Variants in CACNA1C observed in about 807,000 individuals in gnomAD.
CACNA1C encodes the protein voltage-dependent L-type calcium channel subunit alpha-1C.
Under a neutral mutation model 229.0 loss-of-function variants are expected in CACNA1C, and 30 were observed. That is an observed-to-expected ratio of 0.13 (90% CI 0.10 to 0.18). The LOEUF is 0.18. CACNA1C is among the 10% of genes least tolerant of loss of function. The probability of loss-of-function intolerance (pLI) is 1.00; values close to 1 mark genes in which losing one functional copy is unlikely to be tolerated. For synonymous variants in CACNA1C, 1,114 were observed against 1,132.5 expected, an observed-to-expected ratio of 0.98 and a Z score of 0.33; for missense variants, 1,658 against 2,845.0, an observed-to-expected ratio of 0.58 and a Z score of 9.49.
At chr12:1,992,169 A>G (rs1436431298) in intron 1 of CACNA1C, 1 of 184,900 alleles carries the variant, frequency 5.4e-6, no homozygotes, top group Non-Finnish European at 1.2e-5. Context: ...ATTTTTCTAT[A>G]TTGCAAAACT....
intron 3 of CACNA1C, among the ~76,000 whole-genome samples, chr12:2,146,438 A>G (rs935500062): frequency 1.3e-5 from 2 of 151,280 alleles, no homozygotes. Flanking sequence ...GTATGTGGCA[A>G]GGGACTCACA....
chr12:2,586,528 T>C (rs2062528904), intron 18 of CACNA1C, among the ~76,000 whole-genome samples: 1 of 152,246 alleles, frequency 6.6e-6, no homozygotes, highest in African/African-American at 2.4e-5. Flanking sequence ...CCATACCCTG[T>C]GCAAGGCCTG....
At chr12:2,194,110 C>T (rs953597532) in intron 3 of CACNA1C, among the ~76,000 whole-genome samples, 2 of 151,544 alleles carry the variant, frequency 1.3e-5, no homozygotes, top group African/African-American at 4.8e-5. Context: ...CCCCGTCCTC[C>T]TCCTCCTGCT....
intron 3 of CACNA1C, among the ~76,000 whole-genome samples, chr12:2,405,309 C>T (rs1267302343): frequency 6.6e-6 from 1 of 152,166 alleles, no homozygotes; most frequent in African/African-American, 2.4e-5. Context: ...ATGTATAGTT[C>T]TGTGTTGTTT....
At chr12:2,166,199 C>T (rs148924518) in intron 3 of CACNA1C, among the ~76,000 whole-genome samples, 9 of 152,344 alleles carry the variant, frequency 5.9e-5, no homozygotes, top group Non-Finnish European at 8.8e-5. Flanking sequence ...TGATGGGCTT[C>T]TGTGCCATGT....
In CACNA1C at chr12:2,412,066, G is replaced by GC. The variant is rs898994907; in HGVS notation, c.478-36902dup. ...CAAGACCCCGGCTCCCCACGCCCAAGCCCCCCCCATGCCCACCTGCCACTC... is the reference window on the plus strand; with the variant it reads ...CAAGACCCCGGCTCCCCACGCCCAAGCCCCCCCCCATGCCCACCTGCCACTC... On this transcript the variant is annotated intron_variant, in intron 3 of 46. Coordinates refer to ENST00000399655, the MANE Select transcript of CACNA1C (RefSeq NM_000719.7). Among the ~76,000 whole-genome samples, 569 of 150,054 alleles carry GC rather than the reference G, an allele frequency of 3.8e-3. 3 individuals carry two copies. Among genetic ancestry groups the GC allele is most frequent in the African/African-American group, 0.013 (533 of 40,862 alleles).
chr12:2,643,152 G>C (rs1291930211), intron 30 of CACNA1C, among the ~76,000 whole-genome samples: 1 of 152,220 alleles, frequency 6.6e-6, no homozygotes, highest in African/African-American at 2.4e-5. Context: ...TTTCAACTCA[G>C]TGTCTGTAAC....
chr12:2,489,125 T>G (rs2099708114), intron 6 of CACNA1C, among the ~76,000 whole-genome samples: 1 of 152,222 alleles, frequency 6.6e-6, no homozygotes, highest in Non-Finnish European at 1.5e-5. Flanking sequence ...TCTTTCTTTT[T>G]TTAAAATTTC....
chr12:2,431,414 A>G (rs1030524322), intron 3 of CACNA1C, among the ~76,000 whole-genome samples: 3 of 152,082 alleles, frequency 2.0e-5, no homozygotes, highest in Admixed American at 2.0e-4. Flanking sequence ...AGAACCCAAG[A>G]TTCCTGGCTT....
chr12:2,538,367 G>A (rs1015506950), intron 9 of CACNA1C, among the ~76,000 whole-genome samples: 8 of 152,198 alleles, frequency 5.3e-5, no homozygotes, highest in African/African-American at 1.9e-4. Context: ...TGTTGAGAAG[G>A]TTCTGGAAGC....
chr12:1,993,401 A>C lies in CACNA1C; in HGVS notation c.139+22200A>C, dbSNP rs756159533. On this transcript the variant is annotated intron_variant, in intron 1 of 46. Coordinates refer to the CACNA1C transcript ENST00000682462. ...CTTTGGAGAAGCAGACCTAAAAATC[A>C]CAAGGAGTCAGGGGGAAATCAATAG... The C allele has an allele frequency of 1.9e-6, 3 of 1,608,724 alleles. No homozygotes were observed. The Admixed American group carries it at 5.0e-5, about 27-fold the overall frequency.
At chr12:2,449,365 A>C (rs1373346356) in intron 4 of CACNA1C, among the ~76,000 whole-genome samples, 2 of 152,212 alleles carry the variant, frequency 1.3e-5, no homozygotes, top group Non-Finnish European at 2.9e-5. Context: ...GGTTCTACCC[A>C]GGAAAAGGAG....
At chr12:2,417,545 A>T (rs2098924996) in intron 3 of CACNA1C, among the ~76,000 whole-genome samples, 1 of 152,194 alleles carries the variant, frequency 6.6e-6, no homozygotes, top group Non-Finnish European at 1.5e-5. Context: ...TGTCGGATCA[A>T]GGGGCCCTGT....
chr12:2,626,752 A>C (rs1265513890), intron 29 of CACNA1C, among the ~76,000 whole-genome samples: 1 of 151,996 alleles, frequency 6.6e-6, no homozygotes, highest in Non-Finnish European at 1.5e-5. Flanking sequence ...GAGACCCCCA[A>C]ATGGAGCTTA....
At chr12:2,557,072 C>A in intron 11 of CACNA1C, 95 bp downstream of exon 11, 1 of 982,756 alleles carries the variant, frequency 1.0e-6, no homozygotes, top group South Asian at 1.3e-5. Flanking sequence ...TACAAGTTGC[C>A]AGTAGTGTAA....
At chr12:2,231,195 G>T (rs1204318267) in intron 3 of CACNA1C, among the ~76,000 whole-genome samples, 1 of 152,084 alleles carries the variant, frequency 6.6e-6, no homozygotes, top group African/African-American at 2.4e-5. Context: ...TCTTCCTAAG[G>T]CTGGAGACTC....
chr12:2,436,528 T>C (rs1369794443), intron 3 of CACNA1C, among the ~76,000 whole-genome samples: 1 of 152,212 alleles, frequency 6.6e-6, no homozygotes, highest in Admixed American at 6.5e-5. Context: ...CTGATGGCTG[T>C]AGATCTAGTC....
Position 2,668,972 on chromosome 12 carries a change from A to G in CACNA1C, c.4663A>G (p.Thr1555Ala). ...GAACATGCCTCTGAACAGCGACGGG[A>G]CAGTCATGTTCAATGCCACCCTGTT... ...SMNMPLNSDG[T>A]VMFNATLFAL... is the part of the protein sequence containing the mutation. Residue 1555 changes from threonine (T) to alanine (A), a missense_variant, in exon 38 of 47, where the codon ACA (threonine) becomes GCA (alanine). Transcript: ENST00000399655. 1 of 1,614,112 alleles carries G rather than the reference A, an allele frequency of 6.2e-7. No individual in the cohort carries two copies. The highest frequency in any genetic ancestry group is 8.5e-7 in the Non-Finnish European group (1 of 1,179,996).
chr12:2,663,735 C>CT (rs55933898), intron 34 of CACNA1C, among the ~76,000 whole-genome samples: 11,875 of 103,356 alleles, frequency 0.11, 1,178 homozygotes, highest in African/African-American at 0.23. Flanking sequence ...AATAGAGTAT[C>CT]TTTTTTTTTT....
Sources: gnomAD v4.1 joint callset for allele counts (sites outside exome capture counted in the v4.1 genomes callset) on GRCh38, gnomAD v4.1.1 for gene constraint, MANE v1.5 for transcripts, NCBI Gene and HGNC (gene_info 2026-07-23, HGNC 2026-07-21) for gene names.